AGAP9: variants seen among roughly 807,000 people sequenced by gnomAD.
The protein encoded by AGAP9 is arf-GAP with GTPase, ANK repeat and PH domain-containing protein 9.
A neutral mutation model predicts 55.6 loss-of-function variants in AGAP9; 23 were observed. The ratio of observed to expected loss-of-function variants is 0.41; its 90% CI spans 0.30 to 0.59. AGAP9 has a LOEUF of 0.59. Among genes scored for constraint, AGAP9 ranks in the 20% least tolerant of loss-of-function variants. The pLI is 0.25. For missense variants in AGAP9, 309 were observed against 808.1 expected (o/e 0.38, Z 7.49); for synonymous variants, 120 against 305.0 (o/e 0.39, Z 6.32).
At position 47,503,030 on chromosome 10, in the gene AGAP9, T is replaced by G; in HGVS notation, c.1099A>C (p.Met367Leu). Residue 367 changes from methionine to leucine, a missense_variant, in exon 8 of 8, where the codon ATG becomes CTG. Physicochemically the swap from Met to Leu is conservative, Grantham distance 15. Transcript: ENST00000452145. ...SSKSNGLSKD[M>L]DTGLGDSICF... ...ATGGAGTCACCCAGCCCGGTGTCCA[T>G]GTCCTTGGATAGGCCATTGCTTTTA... The G allele has an allele frequency of 6.2e-7, 1 of 1,608,422 alleles. No individual in the cohort carries two copies. The highest frequency in any genetic ancestry group is 8.5e-7 in the Non-Finnish European group (1 of 1,178,944).
In AGAP9 at chr10:47,511,281, T is replaced by C. The variant is rs1196041865; in HGVS notation, c.397-1010A>G. ...TTTACTACGATAAAATGTAGTGTAT[T>C]AAATAATCCTGCTACAAGAGCACTT... On this transcript the variant is annotated intron_variant, in intron 4 of 7. Transcript: ENST00000452145. Among the ~76,000 whole-genome samples, 22 of 142,590 alleles carry C rather than the reference T, an allele frequency of 1.5e-4. 3 individuals carry two copies. Among genetic ancestry groups the C allele is most frequent in the Admixed American group, 1.5e-3 (21 of 14,002 alleles). 93.5% of individuals were successfully genotyped at this position (142,590 alleles called of 152,430 possible). A position where few individuals can be genotyped will look rare whatever the true frequency, so the allele number is the denominator to read the frequency against.
At position 47,509,892 on chromosome 10, in the gene AGAP9, T is replaced by G. The variant is rs1247923580; in HGVS notation, c.497+279A>C. Among the ~76,000 whole-genome samples, 43 of 137,302 alleles carry G rather than the reference T, an allele frequency of 3.1e-4. 8 individuals are homozygous for G. The highest frequency in any genetic ancestry group is 4.9e-4 in the Non-Finnish European group (31 of 63,916). The allele number at this position is 137,302 out of a possible 152,430, so 90.1% of individuals were successfully genotyped here. On this transcript the variant is annotated intron_variant, in intron 5 of 7. Coordinates refer to ENST00000452145, the MANE Select transcript of AGAP9 (RefSeq NM_001190810.1). Reference sequence around the variant, plus strand: ...CTAAGTTTCCACAAAAAACATTCAATAAAGGGAACCTATCCTTCTCACTGT... The same window carrying G: ...CTAAGTTTCCACAAAAAACATTCAAGAAAGGGAACCTATCCTTCTCACTGT...
In AGAP9 at chr10:47,513,668, G is replaced by T. The variant is rs1329555132; in HGVS notation, c.397-3397C>A. 2.1e-5 allele frequency among the ~76,000 whole-genome samples: 3 copies of T among 139,672 alleles called. 1 individual carries two copies. Among genetic ancestry groups the T allele is most frequent in the Non-Finnish European group, 4.7e-5 (3 of 64,198 alleles). 91.6% of individuals were successfully genotyped at this position (139,672 alleles called of 152,430 possible). A position where few individuals can be genotyped will look rare whatever the true frequency, so the allele number is the denominator to read the frequency against. On this transcript the variant is annotated intron_variant, in intron 4 of 7. Coordinates refer to ENST00000452145, the MANE Select transcript of AGAP9 (RefSeq NM_001190810.1). ...AAGGCCATAGTCGCCAAAATAGCAC[G>T]GTACTGATATAAAAATAGGCACATA...
At position 47,503,184 on chromosome 10, in the gene AGAP9, A is replaced by G; in HGVS notation, c.945T>C (p.Tyr315=). 3.1e-6 allele frequency: 5 copies of G among 1,605,196 alleles called. No individual in the cohort carries two copies. In the African/African-American group the frequency reaches 5.5e-5, roughly 18 times the overall value. The change falls in exon 8 of 8, where the codon TAT becomes TAC. Residue 315 remains tyrosine, a synonymous_variant. Coordinates refer to ENST00000452145, the MANE Select transcript of AGAP9 (RefSeq NM_001190810.1). The part of the protein sequence containing the change: ...VTLCSNGVLT[Y]YSSLGDYMKN... ...TCATATAATCACCTAAGCTTGAATA[A>G]TAGGTGAGCACGCCATTGGAACACA...
At chr10:47,507,735 ATTTC>A (rs1191703297) in intron 5 of AGAP9, among the ~76,000 whole-genome samples, 152 bp from the exon 6 acceptor site, 1 of 122,170 alleles carries the variant, frequency 8.2e-6, no homozygotes, top group Non-Finnish European at 1.7e-5. Flanking sequence ...CTTTGTTTTC[ATTTC>A]TTTGTTTTTT....
chr10:47,521,057 GTT>G (rs1394883647), intron 2 of AGAP9, among the ~76,000 whole-genome samples: 3 of 114,730 alleles, frequency 2.6e-5, no homozygotes, highest in Non-Finnish European at 5.1e-5. Context: ...CAGAACCTTA[GTT>G]CTCTTGAGTA....
intron 5 of AGAP9, among the ~76,000 whole-genome samples, 165 bp downstream of exon 5, chr10:47,510,006 C>T (rs1226554698): frequency 4.2e-5 from 6 of 142,270 alleles, no homozygotes; most frequent in African/African-American, 7.7e-5. Flanking sequence ...CCTTCCACCA[C>T]GACGTCTAAG....
intron 5 of AGAP9, among the ~76,000 whole-genome samples, chr10:47,508,048 C>A (rs1194639582): frequency 7.5e-6 from 1 of 132,996 alleles, no homozygotes; most frequent in African/African-American, 2.7e-5. Context: ...GTTTGCGCCA[C>A]TATGCCCAGA....
chr10:47,521,394 C>T (rs1840832518), intron 2 of AGAP9, among the ~76,000 whole-genome samples: 2 of 139,844 alleles, frequency 1.4e-5, no homozygotes, highest in African/African-American at 5.4e-5. Context: ...TAAAGCAATC[C>T]TTAAATATCT....
rs1389318116 is a variant in AGAP9, at chr10:47,511,194, C to T, written c.397-923G>A. Among the ~76,000 whole-genome samples, 11 of 139,020 alleles carry T rather than the reference C, an allele frequency of 7.9e-5. 2 individuals carry two copies. In the East Asian group the frequency reaches 2.9e-3, roughly 37 times the overall value. The allele number at this position is 139,020 out of a possible 152,430, so 91.2% of individuals were successfully genotyped here. ...TCCTCACCTCGTGATCTGCCTGCCT[C>T]AGCCTCCCAAAGTACTGGGATTACA... On this transcript the variant is annotated intron_variant, in intron 4 of 7. Coordinates refer to ENST00000452145, the MANE Select transcript of AGAP9 (RefSeq NM_001190810.1).
chr10:47,510,656 C>T (rs2132483648), intron 4 of AGAP9, among the ~76,000 whole-genome samples: 1 of 119,176 alleles, frequency 8.4e-6, no homozygotes, highest in East Asian at 4.1e-4. Flanking sequence ...TGGTGAAACC[C>T]CGTCTCTACT....
rs1169751862 is a variant in AGAP9 at position 47,501,878 on chromosome 10, A to T, written c.*274T>A. On this transcript the variant is annotated 3_prime_UTR_variant, in exon 8 of 8. Transcript: ENST00000452145. ...GGCCAGGAGGGCCTGAGACTAACAC[A>T]TCCACCTTGGCAAAAGGACATAAAA... The T allele has an allele frequency of 1.2e-5, 10 of 830,364 alleles. No individual in the cohort carries two copies. The East Asian group carries it at 3.0e-4, about 25-fold the overall frequency. 51.4% of individuals were successfully genotyped at this position (830,364 alleles called of 1,614,324 possible).
rs4013570 is a variant in AGAP9, at chr10:47,506,433, T to G, written c.533+1115A>C. Among the ~76,000 whole-genome samples, 2 of 130,086 alleles carry G rather than the reference T, an allele frequency of 1.5e-5. 1 individual carries two copies. The highest frequency in any genetic ancestry group is 1.6e-4 in the Admixed American group (2 of 12,878). The allele number at this position is 130,086 out of a possible 152,430, so 85.3% of individuals were successfully genotyped here. ...GCAACCTCCACCTCCCAGGCTCAAGTGATTCTCCTGCCTCAGCCTCCCAAG... is the reference window on the plus strand; with the variant it reads ...GCAACCTCCACCTCCCAGGCTCAAGGGATTCTCCTGCCTCAGCCTCCCAAG... On this transcript the variant is annotated intron_variant, in intron 6 of 7. Transcript: ENST00000452145.
chr10:47,522,210 T>G (rs1228385188), intron 2 of AGAP9, among the ~76,000 whole-genome samples: 1 of 141,684 alleles, frequency 7.1e-6, no homozygotes, highest in Non-Finnish European at 1.5e-5. Context: ...AATCTTTATA[T>G]TACACATTAA....
In AGAP9 at chr10:47,502,610, G is replaced by A. The variant is rs1269243375; in HGVS notation, c.1519C>T (p.Arg507Cys). The change falls in exon 8 of 8, where the codon CGC (arginine) becomes TGC (cysteine). Residue 507 changes from arginine (R) to cysteine (C), a missense_variant. Transcript: ENST00000452145. The stretch of plus-strand genomic sequence containing the variant: ...CGGGAAAGGCGGGTGCCAAAACTGC[G>A]GTGGATACCTGAGCATTCAATACAC... The part of the protein sequence containing the change: ...LMCIECSGIH[R>C]SFGTRLSRVR... 84 of 1,579,638 alleles carry A rather than the reference G, an allele frequency of 5.3e-5. 8 individuals carry two copies. The highest frequency in any genetic ancestry group is 9.4e-5 in the East Asian group (4 of 42,386).
intron 4 of AGAP9, among the ~76,000 whole-genome samples, chr10:47,514,098 G>A (rs1219246531): frequency 1.4e-5 from 2 of 141,412 alleles, no homozygotes; most frequent in Non-Finnish European, 3.1e-5. Context: ...CAACCACAGA[G>A]TGGGAGGAAA....
rs1390211722 is a variant in AGAP9, at chr10:47,519,047, C to T, written c.362-1190G>A. On this transcript the variant is annotated intron_variant, in intron 3 of 7. Coordinates refer to ENST00000452145, the MANE Select transcript of AGAP9 (RefSeq NM_001190810.1). ...GTTGCCCCTCCAAGTCTCATGTTAA[C>T]ATGTGACCCTTAATGTTGGAGACAG... 2.2e-5 allele frequency among the ~76,000 whole-genome samples: 3 copies of T among 135,046 alleles called. 1 individual carries two copies. Among genetic ancestry groups the T allele is most frequent in the Non-Finnish European group, 3.1e-5 (2 of 64,568 alleles). 88.6% of individuals were successfully genotyped at this position (135,046 alleles called of 152,430 possible). A position where few individuals can be genotyped will look rare whatever the true frequency, so the allele number is the denominator to read the frequency against.
intron 5 of AGAP9, among the ~76,000 whole-genome samples, chr10:47,508,246 G>A (rs1840524714): frequency 1.6e-5 from 1 of 61,766 alleles, no homozygotes; most frequent in Non-Finnish European, 3.0e-5. Flanking sequence ...GTAGAGTGAG[G>A]CTCAAAACAA....
intron 5 of AGAP9, 87 bp downstream of exon 5, chr10:47,510,084 T>G: frequency 6.8e-7 from 1 of 1,471,404 alleles, no homozygotes; most frequent in Non-Finnish European, 9.0e-7. Context: ...TCCAATTTCT[T>G]AAGCTGATTG....
Sources: allele counts gnomAD v4.1 joint callset (sites outside exome capture counted in the v4.1 genomes callset), GRCh38; gene constraint gnomAD v4.1.1; transcripts MANE v1.5; gene names NCBI Gene and HGNC (gene_info 2026-07-23, HGNC 2026-07-21).